SNAPC4: variants seen among roughly 807,000 people sequenced by gnomAD.
The protein encoded by SNAPC4 is snRNA-activating protein complex subunit 4.
In SNAPC4, 127 loss-of-function variants were observed where a neutral mutation model predicts 151.3. The ratio of observed to expected loss-of-function variants is 0.84; its 90% confidence interval spans 0.73 to 0.97. SNAPC4 has a LOEUF of 0.97. SNAPC4 is among the 50% of genes least tolerant of loss of function. SNAPC4 has a pLI of 0.00. For missense variants in SNAPC4, 2,186 were observed against 1,935.0 expected (o/e 1.13, Z -2.43); for synonymous variants, 1,002 against 824.4 (o/e 1.22, Z -3.69).
At chr9:136,396,664 G>A (rs1293094472) in intron 3 of SNAPC4, among the ~76,000 whole-genome samples, 2 of 152,164 alleles carry the variant, frequency 1.3e-5, no homozygotes, top group African/African-American at 4.8e-5. Context: ...ACAGAGAGGC[G>A]AGCTGTGAGG....
At position 136,378,069 on chromosome 9, in the gene SNAPC4, T is replaced by TCCAGGGCCCCCTTCTCAGGC; in HGVS notation, c.3738_3757dup (p.Asp1253GlyfsTer161). On this transcript the variant is annotated frameshift_variant, in exon 22 of 24. Transcript: ENST00000684778. LOFTEE classifies it high-confidence loss of function. ...CTGGGGTAGGGGCGGCTTCTCCAGG[T>TCCAGGGCCCCCTTCTCAGGC]CCAGGGCCCCCTTCTCAGGCCCAGG... 6.3e-7 allele frequency: 1 copy of TCCAGGGCCCCCTTCTCAGGC among 1,578,458 alleles called. No homozygotes were observed. Among genetic ancestry groups the TCCAGGGCCCCCTTCTCAGGC allele is most frequent in the South Asian group, 1.1e-5 (1 of 87,632 alleles).
chr9:136,379,572 G>A (rs1833612946), intron 21 of SNAPC4, among the ~76,000 whole-genome samples: 1 of 152,202 alleles, frequency 6.6e-6, no homozygotes, highest in African/African-American at 2.4e-5. Context: ...CCGGTGTTGG[G>A]CATGGGCGGA....
intron 13 of SNAPC4, among the ~76,000 whole-genome samples, chr9:136,385,430 A>G (rs1057080314): frequency 2.6e-5 from 4 of 152,248 alleles, no homozygotes; most frequent in Non-Finnish European, 4.4e-5. Flanking sequence ...CTCGCAGGAT[A>G]TAGCTGAGAG....
At position 136,378,537 on chromosome 9, in the gene SNAPC4, G is replaced by C. The variant is rs1415601119; in HGVS notation, c.3290C>G (p.Pro1097Arg). The C allele has an allele frequency of 1.3e-6, 2 of 1,592,852 alleles. No homozygotes were observed. Among genetic ancestry groups the C allele is most frequent in the African/African-American group, 2.7e-5 (2 of 74,716 alleles). Residue 1097 changes from proline (P) to arginine (R), a missense_variant, in exon 22 of 24, where the codon CCC (proline) becomes CGC (arginine). Transcript: ENST00000684778. ...PVPVPAVVSL[P>R]RPAGTPGPAG... ...GGGGCCAGGGGTCCCTGCTGGCCTG[G>C]GAAGGCTCACCACAGCTGGTACAGG...
In SNAPC4 at chr9:136,376,458, GC is replaced by G; in HGVS notation, c.4307del (p.Cys1436SerfsTer49). On this transcript the variant is annotated frameshift_variant, in exon 23 of 24. Coordinates refer to ENST00000684778, the MANE Select transcript of SNAPC4 (RefSeq NM_003086.4). LOFTEE classifies it high-confidence loss of function. ...PIQGAPDSGK[C>X]SASSCLDTSN... The stretch of plus-strand genomic sequence containing the variant: ...AAGTATCCAGGCAGGAGGAAGCAGA[GC>G]ATTTACCAGAGTCTGGGGCTCCCTG... 1 of 1,613,374 alleles carries G rather than the reference GC, an allele frequency of 6.2e-7. No homozygotes were observed. The highest frequency in any genetic ancestry group is 8.5e-7 in the Non-Finnish European group (1 of 1,179,888).
chr9:136,380,643 G>A, intron 20 of SNAPC4, 97 bp downstream of exon 20: 1 of 686,314 alleles, frequency 1.5e-6, no homozygotes, highest in Non-Finnish European at 2.6e-6. Flanking sequence ...GGGCTGCGGT[G>A]GAGCGGGTGG....
Position 136,376,336 on chromosome 9 carries a change from A to G in SNAPC4, c.*7+13T>C, listed in dbSNP as rs771608469. On this transcript the variant is annotated intron_variant, in intron 23 of 23. Coordinates refer to ENST00000684778, the MANE Select transcript of SNAPC4 (RefSeq NM_003086.4). ...TGGGTTGTAGGGCAGTGGCCTCCCC[A>G]CTCAGGACTCACCTGCTGCTCACAC... 4.3e-6 allele frequency: 7 copies of G among 1,612,314 alleles called. No homozygotes were observed. In the African/African-American group the frequency reaches 9.4e-5, roughly 22 times the overall value.
chr9:136,398,957 T>C (rs1237441710), intron 1 of SNAPC4, among the ~76,000 whole-genome samples: 1 of 152,200 alleles, frequency 6.6e-6, no homozygotes, highest in Non-Finnish European at 1.5e-5. Flanking sequence ...ACTAACAGCA[T>C]GGTTGGGAAG....
intron 10 of SNAPC4, among the ~76,000 whole-genome samples, chr9:136,391,013 T>C (rs1488099585): frequency 6.6e-6 from 1 of 152,096 alleles, no homozygotes; most frequent in Non-Finnish European, 1.5e-5. Flanking sequence ...TTTGTATTTT[T>C]AGTAGAGACG....
rs762863787 is a variant in SNAPC4, at chr9:136,378,126, G to A, written c.3701C>T (p.Pro1234Leu). 22 of 1,604,090 alleles carry A rather than the reference G, an allele frequency of 1.4e-5. No individual in the cohort carries two copies. The highest frequency in any genetic ancestry group is 3.4e-5 in the Admixed American group (2 of 58,754). ...CAGGGGCAGCTTCTCCAGGCCCAGA[G>A]GCCCCCTGGGCTCCTGTGTCCCTGA... ...SPSGTQEPRGPLGLEKLPLRQ... is the reference protein window; with the variant it reads ...SPSGTQEPRGLLGLEKLPLRQ... Residue 1234 changes from proline to leucine, a missense_variant, in exon 22 of 24, where the codon CCT becomes CTT. Pro to Leu is a moderately conservative substitution (Grantham distance 98, BLOSUM62 -3). Coordinates refer to ENST00000684778, the MANE Select transcript of SNAPC4 (RefSeq NM_003086.4).
At chr9:136,389,165 C>G (rs1324588433) in intron 10 of SNAPC4, among the ~76,000 whole-genome samples, 1 of 152,200 alleles carries the variant, frequency 6.6e-6, no homozygotes, top group Non-Finnish European at 1.5e-5. Flanking sequence ...TCAGTCCACA[C>G]AGTGGACCAT....
rs182516159 is a variant in SNAPC4 at position 136,394,895 on chromosome 9, C to T, written c.472-17G>A. 15 of 1,611,714 alleles carry T rather than the reference C, an allele frequency of 9.3e-6. No homozygotes were observed. The Admixed American group carries it at 1.2e-4, about 13-fold the overall frequency. Reference sequence around the variant, plus strand: ...AGGTGGCCCCTGTCAGGGTGCACGGCATCACCACAAGCACAGGCCACATGT... The same window carrying T: ...AGGTGGCCCCTGTCAGGGTGCACGGTATCACCACAAGCACAGGCCACATGT... On this transcript the variant is annotated splice_polypyrimidine_tract_variant and intron_variant, in intron 5 of 23. Coordinates refer to ENST00000684778, the MANE Select transcript of SNAPC4 (RefSeq NM_003086.4).
intron 2 of SNAPC4, among the ~76,000 whole-genome samples, chr9:136,398,055 C>CACCAGCCATCGTTTATTATTATTATTAT (rs1834335292): frequency 1.3e-5 from 2 of 152,222 alleles, no homozygotes; most frequent in Non-Finnish European, 2.9e-5. Flanking sequence ...GTCCAAGCAG[C>CACCAGCCATCGTTTATTATTATTATTAT]ACCAGCCATC....
chr9:136,379,424 T>A, intron 21 of SNAPC4, 125 bp from the exon 22 acceptor site: 1 of 1,441,318 alleles, frequency 6.9e-7, no homozygotes, highest in Non-Finnish European at 9.3e-7. Flanking sequence ...CAAGAGAGGG[T>A]CAAGCGGCAC....
At chr9:136,394,711 C>T in intron 6 of SNAPC4, 89 bp downstream of exon 6, 10 of 1,214,222 alleles carry the variant, frequency 8.2e-6, no homozygotes, top group Non-Finnish European at 1.1e-5. Context: ...AGAGAGAGGT[C>T]TGAGAACTTG....
At chr9:136,376,957 G>T (rs1833468324) in intron 22 of SNAPC4, among the ~76,000 whole-genome samples, 1 of 152,210 alleles carries the variant, frequency 6.6e-6, no homozygotes. Context: ...TTCTCAGGGA[G>T]GCCAGCCTCC....
intron 17 of SNAPC4, 30 bp from the exon 18 acceptor site, chr9:136,382,103 A>G (rs1330728207): frequency 1.3e-6 from 2 of 1,564,332 alleles, no homozygotes; most frequent in South Asian, 2.3e-5. Context: ...CCTGGGGCCC[A>G]TGGCCAGGCT....
At position 136,383,899 on chromosome 9, in the gene SNAPC4, C is replaced by G. The variant is rs906843218; in HGVS notation, c.1500+54G>C. ...CCCCTCCTCCTGCCTGCTGGACCCCCCAGTTGACCAGGCCATTGTCTGGTT... is the reference window on the plus strand; with the variant it reads ...CCCCTCCTCCTGCCTGCTGGACCCCGCAGTTGACCAGGCCATTGTCTGGTT... On this transcript the variant is annotated intron_variant, in intron 15 of 23. Transcript: ENST00000684778. The surrounding 1 kb of genome is among the most constrained non-coding windows in gnomAD (Gnocchi z 4.2). The G allele has an allele frequency of 2.0e-6, 3 of 1,518,462 alleles. No individual in the cohort carries two copies. Among genetic ancestry groups the G allele is most frequent in the Non-Finnish European group, 2.7e-6 (3 of 1,094,484 alleles). The allele number at this position is 1,518,462 out of a possible 1,614,324, so 94.1% of individuals were successfully genotyped here.
In SNAPC4 at chr9:136,377,658, A is replaced by AG; in HGVS notation, c.4168dup (p.Leu1390ProfsTer10). The AG allele has an allele frequency of 6.2e-7, 1 of 1,603,650 alleles. No homozygotes were observed. The highest frequency in any genetic ancestry group is 8.5e-7 in the Non-Finnish European group (1 of 1,174,204). On this transcript the variant is annotated frameshift_variant, in exon 22 of 24. Transcript: ENST00000684778. LOFTEE classifies it high-confidence loss of function. The stretch of plus-strand genomic sequence containing the variant: ...AGAGCCCACCCTCGAAGGTACTGAG[A>AG]GGGTGGTGCGGACGCCTTGGGGGGC...
Sources: allele counts gnomAD v4.1 joint callset (sites outside exome capture counted in the v4.1 genomes callset), GRCh38; gene constraint gnomAD v4.1.1; non-coding constraint Gnocchi (gnomAD v3.1); transcripts MANE v1.5; gene names NCBI Gene and HGNC (gene_info 2026-07-23, HGNC 2026-07-21).